CCDC34: variants seen among roughly 807,000 people sequenced by gnomAD.
CCDC34 encodes coiled-coil domain-containing protein 34.
A neutral mutation model predicts 44.1 loss-of-function variants in CCDC34; 40 were observed. The observed-to-expected ratio is 0.91, with a 90% CI of 0.70 to 1.18. The LOEUF (loss-of-function observed/expected upper bound fraction) is 1.18. Among genes scored for constraint, CCDC34 ranks in the 50% most tolerant of loss-of-function variants. The pLI, the probability that CCDC34 is intolerant of heterozygous loss-of-function variation, is 0.00. For missense variants in CCDC34, 466 were observed against 452.3 expected, an observed-to-expected ratio of 1.03 and a Z score of -0.28; for synonymous variants, 159 against 158.2, an observed-to-expected ratio of 1.01 and a Z score of -0.04.
intron 3 of CCDC34, chr11:27,349,954 G>C: frequency 9.2e-7 from 1 of 1,083,820 alleles, no homozygotes; most frequent in Non-Finnish European, 1.1e-6. Context: ...CTTGATGACC[G>C]AGAAGACAGC....
At chr11:27,362,721 G>C in intron 1 of CCDC34, 115 bp downstream of exon 1, 1 of 1,236,426 alleles carries the variant, frequency 8.1e-7, no homozygotes, top group African/African-American at 1.5e-5. Context: ...ACCTCAGTCT[G>C]CAAGTGCCTG....
In CCDC34 at chr11:27,357,400, T is replaced by C. The variant is rs1408850412; in HGVS notation, c.498+3A>G. ...AAATAAAAAGAACACTGTCTAGTTT[T>C]ACCTCTAGAGCTTTCAGTTGCAGCC... On this transcript the variant is annotated splice_donor_region_variant and intron_variant, in intron 2 of 5. Coordinates refer to ENST00000328697, the MANE Select transcript of CCDC34 (RefSeq NM_030771.2). 2 of 1,612,204 alleles carry C rather than the reference T, an allele frequency of 1.2e-6. No homozygotes were observed. Among genetic ancestry groups the C allele is most frequent in the Non-Finnish European group, 1.7e-6 (2 of 1,179,042 alleles).
At chr11:27,349,444 ACT>A (rs1168920606) in intron 3 of CCDC34, 1 of 821,574 alleles carries the variant, frequency 1.2e-6, no homozygotes, top group Non-Finnish European at 1.5e-6. Context: ...TTTACTTAGT[ACT>A]CTTATTAATA....
At chr11:27,345,540 G>GT (rs750791144) in intron 3 of CCDC34, among the ~76,000 whole-genome samples, 7 of 152,204 alleles carry the variant, frequency 4.6e-5, no homozygotes, top group Non-Finnish European at 8.8e-5. Flanking sequence ...GCGATGTTTG[G>GT]TTTTTTGTCC....
chr11:27,347,636 C>G (rs1233705128), intron 3 of CCDC34, among the ~76,000 whole-genome samples: 1 of 152,032 alleles, frequency 6.6e-6, no homozygotes, highest in African/African-American at 2.4e-5. Context: ...ACTATATATT[C>G]TATCATTCCA....
At chr11:27,343,472 G>A (rs138398713) in intron 3 of CCDC34, among the ~76,000 whole-genome samples, 1 of 151,582 alleles carries the variant, frequency 6.6e-6, no homozygotes, top group Non-Finnish European at 1.5e-5. Flanking sequence ...TTTCCTTCTT[G>A]CTGGGCAGCC....
Position 27,363,146 on chromosome 11 carries a change from C to T in CCDC34, c.49G>A (p.Gly17Ser). Residue 17 changes from glycine (G) to serine (S), a missense_variant, in exon 1 of 6, where the codon GGT becomes AGT. Transcript: ENST00000328697. ...CTGGGTCTGCAGTCAGCAGAGAAAC[C>T]GGCGTAGGAAGAGGGAAAAGTAGGC... ...WGPTFPSSYA[G>S]FSADCRPRSR... is the part of the protein sequence containing the mutation. 6.6e-7 allele frequency: 1 copy of T among 1,524,364 alleles called. No individual in the cohort carries two copies. Among genetic ancestry groups the T allele is most frequent in the Non-Finnish European group, 8.8e-7 (1 of 1,139,652 alleles). The allele number at this position is 1,524,364 out of a possible 1,614,324, so 94.4% of individuals were successfully genotyped here.
intron 3 of CCDC34, among the ~76,000 whole-genome samples, chr11:27,342,499 A>C (rs1160791041): frequency 1.3e-5 from 2 of 152,004 alleles, no homozygotes; most frequent in African/African-American, 2.4e-5. Context: ...CTCATTAAAC[A>C]CTGTATGTAA....
At chr11:27,340,941 G>A (rs2134228568) in intron 4 of CCDC34, 104 bp from the exon 5 acceptor site, 1 of 969,220 alleles carries the variant, frequency 1.0e-6, no homozygotes, top group Non-Finnish European at 1.6e-6. Context: ...TACCCCAATG[G>A]CTTACTGGCC....
chr11:27,348,231 C>T (rs1862459495), intron 3 of CCDC34, among the ~76,000 whole-genome samples: 1 of 152,098 alleles, frequency 6.6e-6, no homozygotes, highest in Non-Finnish European at 1.5e-5. Context: ...ACAGTAAAAG[C>T]TGAGTAAATA....
In CCDC34 at chr11:27,341,443, T is replaced by C; in HGVS notation, c.714A>G (p.Glu238=). The C allele has an allele frequency of 6.8e-7, 1 of 1,464,110 alleles. No homozygotes were observed. The highest frequency in any genetic ancestry group is 9.2e-7 in the Non-Finnish European group (1 of 1,082,488). 90.7% of individuals were successfully genotyped at this position (1,464,110 alleles called of 1,614,324 possible). ...LQEKAKEKYQ[E]WLKKKNAEEC... is the part of the protein sequence containing the mutation. ...CTTCAGCATTTTTTTTCTTTAACCA[T>C]TCTTGATATTTTTCTTTTGCTTTTT... The change falls in exon 4 of 6, where the codon GAA becomes GAG. Residue 238 remains glutamate, a synonymous_variant. Coordinates refer to ENST00000328697, the MANE Select transcript of CCDC34 (RefSeq NM_030771.2).
chr11:27,342,545 T>C (rs1411745782), intron 3 of CCDC34, among the ~76,000 whole-genome samples: 3 of 152,150 alleles, frequency 2.0e-5, no homozygotes, highest in East Asian at 3.9e-4. Flanking sequence ...TATATAATTC[T>C]TCCATAGAAC....
At chr11:27,361,994 A>C (rs578255558) in intron 1 of CCDC34, among the ~76,000 whole-genome samples, 1 of 152,308 alleles carries the variant, frequency 6.6e-6, no homozygotes, top group East Asian at 1.9e-4. Context: ...CATGCAGTTT[A>C]GGAAAGAGAA....
intron 2 of CCDC34, among the ~76,000 whole-genome samples, chr11:27,351,032 C>T (rs891514996): frequency 2.0e-5 from 3 of 152,128 alleles, no homozygotes; most frequent in African/African-American, 2.4e-5. Context: ...CGAATCTACA[C>T]GTTTGGGCAT....
chr11:27,357,262 G>T (rs1862591563), intron 2 of CCDC34, 141 bp downstream of exon 2: 2 of 668,106 alleles, frequency 3.0e-6, no homozygotes, highest in Non-Finnish European at 4.7e-6. Context: ...TAACTTATTA[G>T]TTATTAAATT....
chr11:27,344,813 G>A (rs1330390922), intron 3 of CCDC34, among the ~76,000 whole-genome samples: 1 of 152,052 alleles, frequency 6.6e-6, no homozygotes, highest in African/African-American at 2.4e-5. Context: ...AGCACTATTA[G>A]GACAGGCATT....
At chr11:27,357,589 T>C in intron 1 of CCDC34, 48 bp from the exon 2 acceptor site, 2 of 1,578,508 alleles carry the variant, frequency 1.3e-6, no homozygotes, top group Non-Finnish European at 1.7e-6. Context: ...CCTCTTTTGC[T>C]TCCTAGTCCA....
rs1317194935 is a variant in CCDC34 at position 27,341,404 on chromosome 11, C to A, written c.753G>T (p.Lys251Asn). Residue 251 changes from lysine to asparagine, a missense_variant, in exon 4 of 6, where the codon AAG (lysine) becomes AAT (asparagine). Lys to Asn is a moderately conservative substitution (Grantham distance 94, BLOSUM62 0). Coordinates refer to ENST00000328697, the MANE Select transcript of CCDC34 (RefSeq NM_030771.2). ...KKKNAEECER[K>N]KKEKEKEKQQ... Reference sequence around the variant, plus strand: ...TTAATAAAAATACCTTTTCTTTCTTCTTCCTCTCACATTCTTCAGCATTTT... The same window carrying A: ...TTAATAAAAATACCTTTTCTTTCTTATTCCTCTCACATTCTTCAGCATTTT... 2.8e-6 allele frequency: 4 copies of A among 1,403,644 alleles called. No homozygotes were observed. The highest frequency in any genetic ancestry group is 3.9e-6 in the Non-Finnish European group (4 of 1,032,622). 86.9% of individuals were successfully genotyped at this position (1,403,644 alleles called of 1,614,324 possible). A position where few individuals can be genotyped will look rare whatever the true frequency, so the allele number is the denominator to read the frequency against.
rs1178530067 is a variant in CCDC34 at position 27,345,276 on chromosome 11, A to AT, written c.607-3727dup. ...TTTTACCCTCTTGTGGTGGGCAAAC[A>AT]TTTTTTTTTAATTTTATTATTATTA... On this transcript the variant is annotated intron_variant, in intron 3 of 5. Coordinates refer to ENST00000328697, the MANE Select transcript of CCDC34 (RefSeq NM_030771.2). Among the ~76,000 whole-genome samples the AT allele has an allele frequency of 1.1e-4, 17 of 151,590 alleles. No homozygotes were observed. The East Asian group carries it at 1.7e-3, about 16-fold the overall frequency.
Sources: gnomAD v4.1 joint callset for allele counts (sites outside exome capture counted in the v4.1 genomes callset) on GRCh38, gnomAD v4.1.1 for gene constraint, MANE v1.5 for transcripts, NCBI Gene and HGNC (gene_info 2026-07-23, HGNC 2026-07-21) for gene names.